Variants in DPY19L1 observed in about 807,000 individuals in gnomAD.
DPY19L1 encodes protein C-mannosyl-transferase DPY19L1.
A neutral mutation model predicts 96.9 loss-of-function variants in DPY19L1; 35 were observed. The ratio of observed to expected loss-of-function variants is 0.36; its 90% CI spans 0.28 to 0.48. The LOEUF (loss-of-function observed/expected upper bound fraction) is 0.48. Ranked by LOEUF, DPY19L1 falls within the 20% of genes least tolerant of loss-of-function variation. DPY19L1 has a pLI of 0.99. For missense variants in DPY19L1, 521 were observed against 777.9 expected (o/e 0.67, Z 3.93); for synonymous variants, 205 against 252.6 (o/e 0.81, Z 1.79).
At chr7:35,028,952 T>C (rs1455470368) in intron 1 of DPY19L1, among the ~76,000 whole-genome samples, 1 of 152,224 alleles carries the variant, frequency 6.6e-6, no homozygotes, top group Non-Finnish European at 1.5e-5. Context: ...TAGTGTATAA[T>C]GAGCAGTGAG....
intron 3 of DPY19L1, among the ~76,000 whole-genome samples, chr7:35,014,541 G>C (rs932113560): frequency 2.0e-5 from 3 of 152,172 alleles, no homozygotes; most frequent in African/African-American, 7.2e-5. Context: ...AGTACCAGTA[G>C]CTGCCAAAGT....
intron 7 of DPY19L1, among the ~76,000 whole-genome samples, chr7:34,983,674 A>AG: frequency 1.0e-5 from 1 of 99,548 alleles, no homozygotes; most frequent in East Asian, 2.4e-4. Flanking sequence ...AGGAATAGAG[A>AG]GAAAAAAAAA....
In DPY19L1 at chr7:35,004,662, C is replaced by A. The variant is rs187413452; in HGVS notation, c.764+5806G>T. On this transcript the variant is annotated intron_variant, in intron 6 of 21. Transcript: ENST00000638088. ...ATTTTACACATAAAAAAGTATTTTA[C>A]TGGTTATTTATTTACTGGGTCATAG... Among the ~76,000 whole-genome samples the A allele has an allele frequency of 4.1e-4, 63 of 152,228 alleles. 1 individual carries two copies. Among genetic ancestry groups the A allele is most frequent in the African/African-American group, 1.3e-3 (54 of 41,530 alleles).
At chr7:34,950,536 T>G (rs1313710435) in intron 13 of DPY19L1, among the ~76,000 whole-genome samples, 1 of 152,112 alleles carries the variant, frequency 6.6e-6, no homozygotes, top group East Asian at 1.9e-4. Context: ...TGCCAAATGT[T>G]CAAGTTCATT....
chr7:35,010,696 T>C, intron 5 of DPY19L1, 135 bp from the exon 6 acceptor site: 1 of 664,028 alleles, frequency 1.5e-6, no homozygotes, highest in South Asian at 1.7e-5. Flanking sequence ...GGTTCCCACA[T>C]GAAAACACAA....
intron 1 of DPY19L1, among the ~76,000 whole-genome samples, chr7:35,034,333 G>A (rs548409832): frequency 1.3e-5 from 2 of 152,240 alleles, no homozygotes; most frequent in South Asian, 4.2e-4. Context: ...TATGTACTGA[G>A]TTGCATTGTG....
chr7:34,977,087 A>G (rs755134975), intron 7 of DPY19L1, among the ~76,000 whole-genome samples: 3 of 152,170 alleles, frequency 2.0e-5, no homozygotes, highest in Non-Finnish European at 4.4e-5. Flanking sequence ...AAATTAAGGT[A>G]TGTACATTGT....
intron 10 of DPY19L1, among the ~76,000 whole-genome samples, chr7:34,962,845 T>C (rs147705232): frequency 0.028 from 4,258 of 152,140 alleles, 69 homozygotes; most frequent in Non-Finnish European, 0.045. Context: ...GAGGGGTAGG[T>C]TGTGCATGGT....
chr7:35,003,846 G>T (rs1325733725), intron 6 of DPY19L1, among the ~76,000 whole-genome samples: 1 of 152,244 alleles, frequency 6.6e-6, no homozygotes, highest in African/African-American at 2.4e-5. Context: ...TCTCTCAGGG[G>T]AGTTGCAGTC....
intron 21 of DPY19L1, among the ~76,000 whole-genome samples, chr7:34,933,632 G>GA (rs1161994882): frequency 9.2e-5 from 14 of 152,344 alleles, no homozygotes; most frequent in African/African-American, 3.4e-4. Context: ...AGCATGGCTA[G>GA]AATAAAAGCA....
intron 17 of DPY19L1, among the ~76,000 whole-genome samples, chr7:34,942,356 A>G (rs540492285): frequency 1.1e-4 from 16 of 152,314 alleles, no homozygotes; most frequent in Non-Finnish European, 1.6e-4. Context: ...CACCTCATAC[A>G]TATGTCTAAA....
At chr7:34,994,548 G>A (rs1461006612) in intron 6 of DPY19L1, among the ~76,000 whole-genome samples, 1 of 152,158 alleles carries the variant, frequency 6.6e-6, no homozygotes, top group Non-Finnish European at 1.5e-5. Flanking sequence ...GCTCATGCCT[G>A]TAATCCCAGC....
rs1251307526 is a variant in DPY19L1 at position 34,989,899 on chromosome 7, A to G, written c.807T>C (p.Phe269=). 1.9e-6 allele frequency: 3 copies of G among 1,605,660 alleles called. No individual in the cohort carries two copies. Among genetic ancestry groups the G allele is most frequent in the Non-Finnish European group, 2.5e-6 (3 of 1,177,462 alleles). The change falls in exon 7 of 22, where the codon TTT becomes TTC. Residue 269 remains phenylalanine, a synonymous_variant. Coordinates refer to ENST00000638088, the MANE Select transcript of DPY19L1 (RefSeq NM_001366673.1). ...GATTACCTACCTCTCCATGATTGAA[A>G]AAGAAGCACAACACTGTAACCAGGC... ...LGGLVTVLCF[F]FNHGECTRVM...
At chr7:34,996,613 T>G (rs1039067905) in intron 6 of DPY19L1, among the ~76,000 whole-genome samples, 5 of 151,898 alleles carry the variant, frequency 3.3e-5, no homozygotes, top group South Asian at 2.1e-4. Flanking sequence ...CGACACCCCC[T>G]ACCCAAAGCC....
intron 21 of DPY19L1, among the ~76,000 whole-genome samples, chr7:34,933,817 G>C (rs1783808480): frequency 3.3e-5 from 5 of 152,170 alleles, no homozygotes; most frequent in South Asian, 2.1e-4. Context: ...CAGATTGAAG[G>C]CTGCACTGTC....
In DPY19L1 at chr7:34,936,921, C is replaced by T. The variant is rs1453433807; in HGVS notation, c.2090+1073G>A. Among the ~76,000 whole-genome samples, 3 of 152,170 alleles carry T rather than the reference C, an allele frequency of 2.0e-5. No individual in the cohort carries two copies. In the South Asian group the frequency reaches 6.2e-4, roughly 32 times the overall value. ...ATGGTGGGAAAGTGTGATCAAGCCACAAATATAGCAATCTCTTGAACGCTT... is the reference window on the plus strand; with the variant it reads ...ATGGTGGGAAAGTGTGATCAAGCCATAAATATAGCAATCTCTTGAACGCTT... On this transcript the variant is annotated intron_variant, in intron 21 of 21. Coordinates refer to ENST00000638088, the MANE Select transcript of DPY19L1 (RefSeq NM_001366673.1).
intron 9 of DPY19L1, 98 bp from the exon 10 acceptor site, chr7:34,967,069 A>T: frequency 1.2e-6 from 1 of 836,778 alleles, no homozygotes; most frequent in Non-Finnish European, 1.7e-6. Flanking sequence ...TTATATCTAC[A>T]CACAGAGTGA....
intron 21 of DPY19L1, among the ~76,000 whole-genome samples, chr7:34,937,779 CA>C: frequency 6.6e-6 from 1 of 152,040 alleles, no homozygotes; most frequent in South Asian, 2.1e-4. Flanking sequence ...ACTAAAAATA[CA>C]AAAATTAAGT....
In DPY19L1 at chr7:35,014,347, A is replaced by G. The variant is rs1283651354; in HGVS notation, c.412-642T>C. On this transcript the variant is annotated intron_variant, in intron 3 of 21. Transcript: ENST00000638088. ...CTTTTGAAGAAAAGAGACAGTTTTT[A>G]GCTTGGCACACTACTTTGGAAAGAT... 3.3e-5 allele frequency among the ~76,000 whole-genome samples: 5 copies of G among 152,114 alleles called. No homozygotes were observed. The South Asian group carries it at 8.3e-4, about 25-fold the overall frequency.
Sources: gnomAD v4.1 joint callset for allele counts (sites outside exome capture counted in the v4.1 genomes callset) on GRCh38, gnomAD v4.1.1 for gene constraint, MANE v1.5 for transcripts, NCBI Gene and HGNC (gene_info 2026-07-23, HGNC 2026-07-21) for gene names.